The following EZR variants were observed in gnomAD, a reference collection of about 807,000 sequenced individuals.
The protein encoded by EZR is ezrin.
EZR carries 40 observed loss-of-function variants against 74.8 expected under a neutral mutation model. The ratio of observed to expected loss-of-function variants is 0.53; its 90% CI spans 0.42 to 0.70. The LOEUF is 0.70. Ranked by LOEUF, EZR falls within the 30% of genes least tolerant of loss-of-function variation. The pLI is 0.00. For missense variants in EZR, 678 were observed against 755.8 expected, an observed-to-expected ratio of 0.90 and a Z score of 1.21; for synonymous variants, 341 against 283.3, an observed-to-expected ratio of 1.20 and a Z score of -2.05.
chr6:158,783,699 T>C (rs1583567339), intron 6 of EZR, 33 bp from the exon 7 acceptor site: 1 of 1,606,506 alleles, frequency 6.2e-7, no homozygotes, highest in Non-Finnish European at 8.5e-7. Flanking sequence ...GCAGAGTCAC[T>C]GGTAGCACTC....
At chr6:158,818,748 G>A (rs1777623730) in intron 1 of EZR, among the ~76,000 whole-genome samples, 2 of 151,470 alleles carry the variant, frequency 1.3e-5, no homozygotes, top group South Asian at 2.1e-4. Context: ...AGAGGGCGAG[G>A]GGCAGGAGGA....
chr6:158,767,351 C>T lies in EZR; in HGVS notation c.1506G>A (p.Glu502=). The T allele has an allele frequency of 6.2e-7, 1 of 1,614,142 alleles. No homozygotes were observed. The highest frequency in any genetic ancestry group is 8.5e-7 in the Non-Finnish European group (1 of 1,180,008). ...EGAEPTGYSA[E]LSSEGIRDDR... ...CATCCCGGATGCCCTCACTAGACAGCTCCGCGCTGTAGCCCGTGGGCTCTG... is the reference window on the plus strand; with the variant it reads ...CATCCCGGATGCCCTCACTAGACAGTTCCGCGCTGTAGCCCGTGGGCTCTG... The change falls in exon 13 of 14, where the codon GAG becomes GAA. Residue 502 remains glutamate (E), a synonymous_variant. Transcript: ENST00000367075.
At chr6:158,806,480 CT>C (rs10706390) in intron 2 of EZR, among the ~76,000 whole-genome samples, 57,329 of 141,038 alleles carry the variant, frequency 0.41, 11,434 homozygotes, top group Non-Finnish European at 0.48. Context: ...ACCACTTTCA[CT>C]TTTTTTTTTT....
chr6:158,805,705 T>TA (rs1324342610), intron 2 of EZR, among the ~76,000 whole-genome samples: 3 of 152,140 alleles, frequency 2.0e-5, no homozygotes, highest in Non-Finnish European at 2.9e-5. Context: ...AAATTAAAAT[T>TA]AAAAAAACTC....
chr6:158,793,721 C>T (rs986696412), intron 2 of EZR, among the ~76,000 whole-genome samples: 1 of 152,214 alleles, frequency 6.6e-6, no homozygotes, highest in African/African-American at 2.4e-5. Flanking sequence ...ACCCCATCCA[C>T]ACACACATTT....
chr6:158,791,767 G>GGT (rs1158411888), intron 2 of EZR, among the ~76,000 whole-genome samples: 2 of 141,050 alleles, frequency 1.4e-5, no homozygotes, highest in Admixed American at 1.5e-4. Flanking sequence ...GGAGTGCAGT[G>GGT]GTGTGATCTT....
intron 8 of EZR, among the ~76,000 whole-genome samples, chr6:158,772,531 C>G (rs966049835): frequency 6.6e-6 from 1 of 152,204 alleles, no homozygotes; most frequent in African/African-American, 2.4e-5. Flanking sequence ...CTTGCAAGAC[C>G]ACAACCAGAG....
In EZR at chr6:158,770,017, AC is replaced by A; in HGVS notation, c.1091-74del. ...CTAGGAGCCCTCGCTTTCCATTCCC[AC>A]CCCCAAAGCCACAGAGCCCTAGACC... On this transcript the variant is annotated intron_variant, in intron 10 of 13. Transcript: ENST00000367075. 10 of 1,571,284 alleles carry A rather than the reference AC, an allele frequency of 6.4e-6. No homozygotes were observed. The South Asian group carries it at 6.8e-5, about 11-fold the overall frequency.
chr6:158,794,574 A>T (rs1777027038), intron 2 of EZR, among the ~76,000 whole-genome samples: 1 of 152,168 alleles, frequency 6.6e-6, no homozygotes, highest in Non-Finnish European at 1.5e-5. Context: ...ACCACCACAC[A>T]TATCCAAACT....
At chr6:158,805,230 T>C (rs1777308452) in intron 2 of EZR, among the ~76,000 whole-genome samples, 1 of 150,518 alleles carries the variant, frequency 6.6e-6, no homozygotes, top group South Asian at 2.1e-4. Flanking sequence ...TCCCAGCTAC[T>C]CGTGGGGCTG....
intron 2 of EZR, among the ~76,000 whole-genome samples, chr6:158,817,246 T>C (rs1295991165): frequency 6.6e-6 from 1 of 152,222 alleles, no homozygotes; most frequent in African/African-American, 2.4e-5. Context: ...TTCCCCCTAA[T>C]GTCTAGTCAC....
intron 3 of EZR, among the ~76,000 whole-genome samples, chr6:158,787,536 C>G (rs866981472): frequency 2.6e-5 from 4 of 152,180 alleles, no homozygotes; most frequent in African/African-American, 9.7e-5. Flanking sequence ...GGCCAGCACA[C>G]ACAGAACCAT....
Position 158,769,379 on chromosome 6 carries a change from G to T in EZR, c.1291C>A (p.Leu431Met). Residue 431 changes from leucine (L) to methionine (M), a missense_variant, in exon 12 of 14, where the codon CTG becomes ATG. Leu to Met is a conservative substitution (Grantham distance 15). Coordinates refer to ENST00000367075, the MANE Select transcript of EZR (RefSeq NM_001111077.2). ...TCCTTGCGCCTCCGCGCCTCTTCCAGGAGGGCAATCTTGGCAGTGTATTCT... is the reference window on the plus strand; with the variant it reads ...TCCTTGCGCCTCCGCGCCTCTTCCATGAGGGCAATCTTGGCAGTGTATTCT... ...LAEYTAKIAL[L>M]EEARRRKEDE... The T allele has an allele frequency of 1.2e-6, 2 of 1,609,114 alleles. No homozygotes were observed. Among genetic ancestry groups the T allele is most frequent in the Non-Finnish European group, 8.5e-7 (1 of 1,180,012 alleles).
At chr6:158,806,625 C>T (rs1204077193) in intron 2 of EZR, among the ~76,000 whole-genome samples, 16 of 151,580 alleles carry the variant, frequency 1.1e-4, no homozygotes, top group Admixed American at 7.2e-4. Flanking sequence ...TTCCTTAATA[C>T]GTCAAGTTCA....
At chr6:158,788,208 CCAA>C (rs1791635078) in intron 3 of EZR, 1 of 152,158 alleles carries the variant, frequency 6.6e-6, no homozygotes, top group African/African-American at 2.4e-5. Flanking sequence ...TCCTAAAATT[CCAA>C]ATTAACTCCT....
intron 11 of EZR, 113 bp downstream of exon 11, chr6:158,769,671 G>A (rs2128564559): frequency 1.4e-6 from 2 of 1,443,016 alleles, no homozygotes; most frequent in Non-Finnish European, 1.9e-6. Flanking sequence ...CCCCCCAGCA[G>A]ATCAGTTTAC....
chr6:158,795,254 A>AAAATAAAT (rs552039243), intron 2 of EZR, among the ~76,000 whole-genome samples: 4 of 151,886 alleles, frequency 2.6e-5, no homozygotes, highest in African/African-American at 7.3e-5. Context: ...TCCATCGCAA[A>AAAATAAAT]AAATAAATAA....
chr6:158,778,768 C>CT (rs1330556813), intron 7 of EZR, among the ~76,000 whole-genome samples: 1 of 152,154 alleles, frequency 6.6e-6, no homozygotes, highest in Non-Finnish European at 1.5e-5. Flanking sequence ...CAAGGTGCTC[C>CT]TAAAGGCCAA....
chr6:158,769,143 T>G (rs956611243), intron 12 of EZR, among the ~76,000 whole-genome samples, 183 bp downstream of exon 12: 2 of 152,320 alleles, frequency 1.3e-5, no homozygotes, highest in Middle Eastern at 3.4e-3. Context: ...TTTGGGGATG[T>G]CTACTTCAGT....
Sources: allele counts gnomAD v4.1 joint callset (sites outside exome capture counted in the v4.1 genomes callset), GRCh38; gene constraint gnomAD v4.1.1; transcripts MANE v1.5; gene names NCBI Gene and HGNC (gene_info 2026-07-23, HGNC 2026-07-21).